GPN1: variants seen among roughly 807,000 people sequenced by gnomAD.
GPN1 encodes the protein ATP(GTP)-binding protein.
A neutral mutation model predicts 55.9 loss-of-function variants in GPN1; 44 were observed. The observed-to-expected ratio is 0.79, with a 90% confidence interval of 0.62 to 1.01. The LOEUF is 1.01. Among genes scored for constraint, GPN1 ranks in the 50% least tolerant of loss-of-function variants. GPN1 has a pLI of 0.00. For synonymous variants in GPN1, 179 were observed against 162.5 expected (o/e 1.10, Z -0.77); for missense variants, 466 against 462.8 (o/e 1.01, Z -0.06).
chr2:27,640,071 C>T lies in GPN1; in HGVS notation c.746C>T (p.Thr249Ile). ...GTGGGTGTCTCTGCTGTTCTGGGTA[C>T]TGGATTAGATGAACTCTTTGTGCAA... ...RVVGVSAVLG[T>I]GLDELFVQVT... The change falls in exon 10 of 14, where the codon ACT becomes ATT. Residue 249 changes from threonine (T) to isoleucine (I), a missense_variant. Thr to Ile is a moderately conservative substitution (Grantham distance 89, BLOSUM62 -1). Transcript: ENST00000610189. The T allele has an allele frequency of 1.2e-6, 2 of 1,612,848 alleles. No individual in the cohort carries two copies. Among genetic ancestry groups the T allele is most frequent in the Non-Finnish European group, 1.7e-6 (2 of 1,178,944 alleles).
At chr2:27,629,255 G>A (rs572334400) in intron 1 of GPN1, 86 bp downstream of exon 1, 1 of 1,174,648 alleles carries the variant, frequency 8.5e-7, no homozygotes, top group Non-Finnish European at 1.2e-6. Flanking sequence ...GAGGGAAGAG[G>A]ATTTGGAGGG....
chr2:27,633,746 G>A (rs949598863), intron 5 of GPN1, among the ~76,000 whole-genome samples: 3 of 151,194 alleles, frequency 2.0e-5, no homozygotes, highest in African/African-American at 7.3e-5. Flanking sequence ...CAAAGTGCTG[G>A]AACTATAGGT....
intron 5 of GPN1, among the ~76,000 whole-genome samples, chr2:27,634,162 A>T (rs778187543): frequency 1.3e-5 from 2 of 152,138 alleles, no homozygotes; most frequent in Non-Finnish European, 2.9e-5. Flanking sequence ...ATGATATTGA[A>T]CATCTTTTTA....
chr2:27,639,383 A>G (rs1558489059), intron 9 of GPN1, among the ~76,000 whole-genome samples: 2 of 152,338 alleles, frequency 1.3e-5, no homozygotes, highest in East Asian at 3.9e-4. Context: ...AAGAAGGGTA[A>G]GATTTATGTA....
chr2:27,632,668 C>T lies in GPN1; in HGVS notation c.348C>T (p.Ser116=). ...TTATTGAGAAGGCCCAGAACATGTCCAAGTAAGTGATGTCAGTAACACCCA... is the reference window on the plus strand; with the variant it reads ...TTATTGAGAAGGCCCAGAACATGTCTAAGTAAGTGATGTCAGTAACACCCA... ...MKFIEKAQNM[S]KYVLIDTPGQ... Residue 116 remains serine (S), a splice_region_variant and synonymous_variant, in exon 5 of 14, where the codon TCC becomes TCT. Coordinates refer to ENST00000610189, the MANE Select transcript of GPN1 (RefSeq NM_007266.4). 1 of 1,585,458 alleles carries T rather than the reference C, an allele frequency of 6.3e-7. No homozygotes were observed. Among genetic ancestry groups the T allele is most frequent in the East Asian group, 2.2e-5 (1 of 44,738 alleles).
At chr2:27,637,856 A>C (rs6547743) in intron 7 of GPN1, among the ~76,000 whole-genome samples, 8,981 of 152,270 alleles carry the variant, frequency 0.059, 762 homozygotes, top group African/African-American at 0.19. Flanking sequence ...AATCTGAAAT[A>C]AAAAACACTT....
Position 27,639,125 on chromosome 2 carries a change from T to C in GPN1, c.717+94T>C, listed in dbSNP as rs1673847386. ...GAACCTGGCTGAGAAAGGAAGCTTA[T>C]TACCTACTGAAAAGTAACTTTTAAA... On this transcript the variant is annotated intron_variant, in intron 9 of 13. Transcript: ENST00000610189. 13 of 999,634 alleles carry C rather than the reference T, an allele frequency of 1.3e-5. No individual in the cohort carries two copies. The South Asian group carries it at 2.2e-4, about 17-fold the overall frequency. The allele number at this position is 999,634 out of a possible 1,614,324, so 61.9% of individuals were successfully genotyped here. A position where few individuals can be genotyped will look rare whatever the true frequency, so the allele number is the denominator to read the frequency against.
At chr2:27,644,544 T>A (rs1174165378) in intron 12 of GPN1, among the ~76,000 whole-genome samples, 1 of 151,664 alleles carries the variant, frequency 6.6e-6, no homozygotes, top group African/African-American at 2.4e-5. Flanking sequence ...ATTCACCTAT[T>A]TTTTTTTATA....
At chr2:27,631,994 A>G in intron 4 of GPN1, 94 bp downstream of exon 4, 1 of 786,934 alleles carries the variant, frequency 1.3e-6, no homozygotes, top group Non-Finnish European at 2.3e-6. Flanking sequence ...AGAGCAGCAA[A>G]CCTGAGCATA....
rs1364191408 is a variant in GPN1, at chr2:27,641,618, G to C, written c.840+339G>C. ...AACTCCTTTTCTTGTTGTTGAGAAA[G>C]GGTCTCACTCTGTCACCCATGCCAG... On this transcript the variant is annotated intron_variant, in intron 11 of 13. Transcript: ENST00000610189. 4.6e-5 allele frequency among the ~76,000 whole-genome samples: 7 copies of C among 152,252 alleles called. No homozygotes were observed. In the East Asian group the frequency reaches 1.4e-3, roughly 29 times the overall value.
rs745497834 is a variant in GPN1, at chr2:27,651,236, G to C, written c.*1036G>C. On this transcript the variant is annotated 3_prime_UTR_variant, in exon 14 of 14. Transcript: ENST00000610189. ...TCCAACTTAGTGGTTCTCACATTGT[G>C]GACCAGGAGCATCAGCATCATCTGG... is the stretch of plus-strand genomic sequence containing the variant. 1.3e-5 allele frequency: 2 copies of C among 152,222 alleles called. No homozygotes were observed. The highest frequency in any genetic ancestry group is 2.9e-5 in the Non-Finnish European group (2 of 68,066). The allele number at this position is 152,222 out of a possible 1,614,324, so 9.4% of individuals were successfully genotyped here. A position where few individuals can be genotyped will look rare whatever the true frequency, so the allele number is the denominator to read the frequency against.
At chr2:27,633,832 A>G (rs1223786695) in intron 5 of GPN1, among the ~76,000 whole-genome samples, 2 of 151,666 alleles carry the variant, frequency 1.3e-5, no homozygotes, top group South Asian at 2.1e-4. Context: ...TTCATATACC[A>G]TAAAGTTCAC....
chr2:27,643,198 T>A lies in GPN1; in HGVS notation c.931+679T>A, dbSNP rs531306477. Among the ~76,000 whole-genome samples the A allele has an allele frequency of 9.7e-3, 1,390 of 142,576 alleles. 20 individuals are homozygous for A. Among genetic ancestry groups the A allele is most frequent in the African/African-American group, 0.028 (1,036 of 37,438 alleles). 93.5% of individuals were successfully genotyped at this position (142,576 alleles called of 152,430 possible). A position where few individuals can be genotyped will look rare whatever the true frequency, so the allele number is the denominator to read the frequency against. ...CAATTTTTTTTATAATTAAAAAAAA[T>A]TTTTTTTTTTTTACAGTTTGACCTT... On this transcript the variant is annotated intron_variant, in intron 12 of 13. Coordinates refer to ENST00000610189, the MANE Select transcript of GPN1 (RefSeq NM_007266.4). The surrounding 1 kb of genome is among the most constrained non-coding windows in gnomAD (Gnocchi z 4.0).
At chr2:27,639,608 C>T (rs991987369) in intron 9 of GPN1, among the ~76,000 whole-genome samples, 2 of 152,040 alleles carry the variant, frequency 1.3e-5, no homozygotes, top group Non-Finnish European at 2.9e-5. Context: ...CAGCCTTGAC[C>T]TCGTGGTCTC....
rs776050145 is a variant in GPN1 at position 27,635,168 on chromosome 2, A to G, written c.458A>G (p.Tyr153Cys). The change falls in exon 7 of 14, where the codon TAT (tyrosine) becomes TGT (cysteine). Residue 153 changes from tyrosine to cysteine, a missense_variant. Transcript: ENST00000610189. ...TCCTCATTTCCAACAGTTGTCATCTATGTAATGGACACATCGAGAAGTACC... is the reference window on the plus strand; with the variant it reads ...TCCTCATTTCCAACAGTTGTCATCTGTGTAATGGACACATCGAGAAGTACC... ...LASSFPTVVI[Y>C]VMDTSRSTNP... The G allele has an allele frequency of 2.5e-6, 4 of 1,603,682 alleles. No individual in the cohort carries two copies. Among genetic ancestry groups the G allele is most frequent in the Non-Finnish European group, 3.4e-6 (4 of 1,171,214 alleles).
intron 1 of GPN1, chr2:27,629,509 A>G (rs1673445832): frequency 3.9e-6 from 4 of 1,033,994 alleles, no homozygotes; most frequent in African/African-American, 1.6e-5. Context: ...AGATTTGCCA[A>G]ATATTTCTTG....
rs747124484 is a variant in GPN1 at position 27,631,823 on chromosome 2, T to G, written c.246-11T>G. On this transcript the variant is annotated splice_polypyrimidine_tract_variant and intron_variant, in intron 3 of 13. Coordinates refer to ENST00000610189, the MANE Select transcript of GPN1 (RefSeq NM_007266.4). The stretch of plus-strand genomic sequence containing the variant: ...TCTATAAGCGATTTCAGTCCTCAAC[T>G]TGGTGTCTAGATATGGACTTGGACC... 2.0e-6 allele frequency: 3 copies of G among 1,538,338 alleles called. No individual in the cohort carries two copies. The highest frequency in any genetic ancestry group is 2.7e-6 in the Non-Finnish European group (3 of 1,110,746).
rs114505273 is a variant in GPN1 at position 27,632,433 on chromosome 2, G to T, written c.313-200G>T. Among the ~76,000 whole-genome samples the T allele has an allele frequency of 3.0e-3, 463 of 152,308 alleles. 1 individual carries two copies. The highest frequency in any genetic ancestry group is 4.9e-3 in the Non-Finnish European group (330 of 68,018). ...AGATCCTTGGATTGTGCCCCAAGATGGTATTGGAGTGCTGCTGATGTGGCT... is the reference window on the plus strand; with the variant it reads ...AGATCCTTGGATTGTGCCCCAAGATTGTATTGGAGTGCTGCTGATGTGGCT... On this transcript the variant is annotated intron_variant, in intron 4 of 13. Coordinates refer to ENST00000610189, the MANE Select transcript of GPN1 (RefSeq NM_007266.4).
intron 12 of GPN1, among the ~76,000 whole-genome samples, chr2:27,642,958 TACACACACAC>T (rs1553358324): frequency 4.1e-5 from 5 of 122,610 alleles, no homozygotes; most frequent in African/African-American, 6.0e-5. Context: ...TATATATATA[TACACACACAC>T]ACACACACAC....
Sources: allele counts gnomAD v4.1 joint callset (sites outside exome capture counted in the v4.1 genomes callset), GRCh38; gene constraint gnomAD v4.1.1; non-coding constraint Gnocchi (gnomAD v3.1); transcripts MANE v1.5; gene names NCBI Gene and HGNC (gene_info 2026-07-23, HGNC 2026-07-21).